Variants in MEIKIN observed in about 807,000 individuals in gnomAD.
The protein encoded by MEIKIN is meiotic kinetochore factor.
chr5:131,832,470 C>G (rs1749731459), intron 11 of MEIKIN, among the ~76,000 whole-genome samples: 1 of 152,108 alleles, frequency 6.6e-6, no homozygotes, highest in Non-Finnish European at 1.5e-5. Flanking sequence ...TGTGGCTTTT[C>G]TAGGTGCACG....
intron 1 of MEIKIN, 51 bp from the exon 2 acceptor site, chr5:131,945,300 G>T (rs927303186): frequency 2.5e-6 from 1 of 399,082 alleles, no homozygotes; most frequent in Non-Finnish European, 4.4e-6. Flanking sequence ...ACCGGCTTCG[G>T]GGGGGTCCTG....
intron 8 of MEIKIN, among the ~76,000 whole-genome samples, chr5:131,885,520 C>T (rs1054941482): frequency 6.6e-6 from 1 of 152,098 alleles, no homozygotes; most frequent in Non-Finnish European, 1.5e-5. Context: ...TTATCTAAGA[C>T]CACCAAGGTG....
chr5:131,824,252 C>A (rs79181795), intron 11 of MEIKIN, among the ~76,000 whole-genome samples: 1 of 152,006 alleles, frequency 6.6e-6, no homozygotes, highest in East Asian at 1.9e-4. Context: ...TGGTGGCTCA[C>A]ACTTGTAATC....
chr5:131,894,792 A>C (rs1258264045), intron 8 of MEIKIN, among the ~76,000 whole-genome samples: 1 of 152,102 alleles, frequency 6.6e-6, no homozygotes, highest in Non-Finnish European at 1.5e-5. Flanking sequence ...GCTTAAGGAG[A>C]TTTTGGCCTG....
intron 4 of MEIKIN, among the ~76,000 whole-genome samples, chr5:131,941,884 T>C (rs1211883341): frequency 6.6e-6 from 1 of 152,176 alleles, no homozygotes; most frequent in Non-Finnish European, 1.5e-5. Flanking sequence ...CCTTCACTCT[T>C]CATTTGCCAA....
At chr5:131,831,553 C>CTCAATCAA (rs201199749) in intron 11 of MEIKIN, among the ~76,000 whole-genome samples, 3 of 152,016 alleles carry the variant, frequency 2.0e-5, no homozygotes, top group South Asian at 2.1e-4. Context: ...AACAACGTGT[C>CTCAATCAA]TCAATCAATC....
intron 11 of MEIKIN, among the ~76,000 whole-genome samples, chr5:131,846,758 T>C (rs531162890): frequency 6.6e-6 from 1 of 152,078 alleles, no homozygotes; most frequent in African/African-American, 2.4e-5. Flanking sequence ...GAGGTGGAGG[T>C]TGCAGTGAGT....
intron 11 of MEIKIN, among the ~76,000 whole-genome samples, chr5:131,824,740 G>A (rs1749582028): frequency 6.6e-6 from 1 of 152,060 alleles, no homozygotes; most frequent in East Asian, 1.9e-4. Flanking sequence ...CGATATGGAG[G>A]ATAGAATGCA....
intron 11 of MEIKIN, among the ~76,000 whole-genome samples, chr5:131,844,475 C>T (rs1002437244): frequency 5.3e-5 from 8 of 152,108 alleles, no homozygotes; most frequent in African/African-American, 1.9e-4. Context: ...CTAAGCAGTA[C>T]CCAGCAGACT....
chr5:131,880,795 C>G (rs1750691662), intron 8 of MEIKIN, among the ~76,000 whole-genome samples: 1 of 152,166 alleles, frequency 6.6e-6, no homozygotes, highest in Non-Finnish European at 1.5e-5. Context: ...CTCAGCCTCA[C>G]TACAGAGGCT....
At chr5:131,935,218 C>T (rs1411872009) in intron 4 of MEIKIN, among the ~76,000 whole-genome samples, 10 of 146,228 alleles carry the variant, frequency 6.8e-5, no homozygotes, top group African/African-American at 2.5e-4. Context: ...ATCATCTGAG[C>T]CCAGGAGTTT....
chr5:131,886,577 A>G (rs898765603), intron 8 of MEIKIN, among the ~76,000 whole-genome samples: 1 of 152,216 alleles, frequency 6.6e-6, no homozygotes, highest in Admixed American at 6.5e-5. Context: ...TTAAGCACCA[A>G]GGAGAATCAC....
chr5:131,872,446 G>GA (rs1415086386), intron 9 of MEIKIN, among the ~76,000 whole-genome samples: 4 of 152,114 alleles, frequency 2.6e-5, no homozygotes, highest in Non-Finnish European at 4.4e-5. Context: ...GAAGTTTAGA[G>GA]AAAAAATAAT....
At chr5:131,871,627 G>A (rs960743419) in intron 9 of MEIKIN, among the ~76,000 whole-genome samples, 18 of 152,216 alleles carry the variant, frequency 1.2e-4, no homozygotes, top group Admixed American at 1.1e-3. Flanking sequence ...AAATGTCCCT[G>A]TCTGACAGCT....
chr5:131,935,447 T>A (rs920319516), intron 4 of MEIKIN, among the ~76,000 whole-genome samples: 1 of 152,078 alleles, frequency 6.6e-6, no homozygotes, highest in African/African-American at 2.4e-5. Flanking sequence ...TGAAGAACTG[T>A]CCAATAAATG....
chr5:131,838,131 T>C (rs1749842555), intron 11 of MEIKIN, among the ~76,000 whole-genome samples: 1 of 152,176 alleles, frequency 6.6e-6, no homozygotes, highest in Non-Finnish European at 1.5e-5. Flanking sequence ...CTTTTGTCTT[T>C]AGTTCTGTTT....
At chr5:131,815,295 G>C (rs188517335) in intron 12 of MEIKIN, among the ~76,000 whole-genome samples, 179 of 152,270 alleles carry the variant, frequency 1.2e-3, no homozygotes, top group African/African-American at 4.2e-3. Context: ...GCACCAGCTA[G>C]GTGGCAATAA....
chr5:131,867,374 T>C (rs1750401266), intron 9 of MEIKIN, among the ~76,000 whole-genome samples: 1 of 152,154 alleles, frequency 6.6e-6, no homozygotes, highest in African/African-American at 2.4e-5. Flanking sequence ...GACACATCAT[T>C]ATCTCAAAAG....
intron 7 of MEIKIN, among the ~76,000 whole-genome samples, chr5:131,914,221 T>C (rs1391428366): frequency 6.6e-6 from 1 of 151,800 alleles, no homozygotes; most frequent in Non-Finnish European, 1.5e-5. Flanking sequence ...TCCATAACTG[T>C]AAGAAATAAA....
Sources: gnomAD v4.1 joint callset for allele counts (sites outside exome capture counted in the v4.1 genomes callset) on GRCh38, gnomAD v4.1.1 for gene constraint, MANE v1.5 for transcripts, NCBI Gene and HGNC (gene_info 2026-07-23, HGNC 2026-07-21) for gene names.